Variants in PLEKHA8 observed in about 807,000 individuals in gnomAD.
The protein encoded by PLEKHA8 is pleckstrin homology domain-containing family A member 8.
A neutral mutation model predicts 68.2 loss-of-function variants in PLEKHA8; 36 were observed. That is an observed-to-expected ratio of 0.53 (90% confidence interval 0.40 to 0.70). PLEKHA8 has a LOEUF of 0.70. PLEKHA8 is among the 30% of genes least tolerant of loss of function. The probability of loss-of-function intolerance (pLI) is 0.00; values close to 1 mark genes in which losing one functional copy is unlikely to be tolerated. For missense variants in PLEKHA8, 505 were observed against 615.4 expected, an observed-to-expected ratio of 0.82 and a Z score of 1.90; for synonymous variants, 211 against 216.1, an observed-to-expected ratio of 0.98 and a Z score of 0.20.
chr7:30,120,289 A>C (rs1796677360), intron 13 of PLEKHA8, among the ~76,000 whole-genome samples: 1 of 152,234 alleles, frequency 6.6e-6, no homozygotes, highest in African/African-American at 2.4e-5. Context: ...AGCCTCTAGA[A>C]TCAGGGCTGC....
chr7:30,062,067 C>A lies in PLEKHA8; in HGVS notation c.1229+40C>A, dbSNP rs35889168. 1.4e-5 allele frequency: 22 copies of A among 1,565,230 alleles called. No individual in the cohort carries two copies. The Middle Eastern group carries it at 5.1e-4, about 37-fold the overall frequency. On this transcript the variant is annotated intron_variant, in intron 11 of 13. Coordinates refer to ENST00000449726, the MANE Select transcript of PLEKHA8 (RefSeq NM_001197026.2). ...GTGGGACAGCAGTTAAAATCTAGCT[C>A]AAAAAAAATTACCAGCAAAAAAAAT...
At chr7:30,092,386 C>T (rs1040000801), downstream of PLEKHA8, among the ~76,000 whole-genome samples, 3 of 152,034 alleles carry the variant, frequency 2.0e-5, no homozygotes, top group African/African-American at 7.2e-5. Context: ...CACTGCTGCC[C>T]CTAGTCTCCC....
chr7:30,096,116 A>G (rs1333204649), intron 13 of PLEKHA8, among the ~76,000 whole-genome samples: 1 of 152,174 alleles, frequency 6.6e-6, no homozygotes, highest in Non-Finnish European at 1.5e-5. Context: ...TACCTTGGGC[A>G]GTATGGCCAT....
intron 13 of PLEKHA8, among the ~76,000 whole-genome samples, chr7:30,121,721 GC>G (rs1796700641): frequency 6.6e-6 from 1 of 152,068 alleles, no homozygotes; most frequent in South Asian, 2.1e-4. Context: ...TTGTATCTCT[GC>G]CCAGAGGCAC....
intron 13 of PLEKHA8, among the ~76,000 whole-genome samples, chr7:30,116,271 T>C (rs1796554457): frequency 2.0e-5 from 3 of 151,212 alleles, no homozygotes; most frequent in South Asian, 2.1e-4. Flanking sequence ...TGCATACATG[T>C]ATGTATGTAT....
In PLEKHA8 at chr7:30,083,250, G is replaced by A. The variant is rs958335974; in HGVS notation, c.*4463G>A. 7 of 981,026 alleles carry A rather than the reference G, an allele frequency of 7.1e-6. No individual in the cohort carries two copies. The highest frequency in any genetic ancestry group is 4.7e-5 in the South Asian group (1 of 21,172). The allele number at this position is 981,026 out of a possible 1,614,324, so 60.8% of individuals were successfully genotyped here. The stretch of plus-strand genomic sequence containing the variant: ...TATGGATTGTATATAGAATGCTTTC[G>A]TTAGAAGTACATTCTACTTCTGTAT... On this transcript the variant is annotated 3_prime_UTR_variant, in exon 14 of 14. Coordinates refer to ENST00000449726, the MANE Select transcript of PLEKHA8 (RefSeq NM_001197026.2).
At chr7:30,034,783 AT>A (rs1790941807) in intron 1 of PLEKHA8, among the ~76,000 whole-genome samples, 1 of 151,672 alleles carries the variant, frequency 6.6e-6, no homozygotes. Flanking sequence ...GATCAACTGT[AT>A]TTTCTTTTCT....
chr7:30,124,843 C>G (rs1796747433), intron 13 of PLEKHA8, among the ~76,000 whole-genome samples: 1 of 151,470 alleles, frequency 6.6e-6, no homozygotes, highest in Non-Finnish European at 1.5e-5. Context: ...TCTAAGGCAC[C>G]CATGATCCTA....
intron 12 of PLEKHA8, among the ~76,000 whole-genome samples, chr7:30,066,559 A>T (rs565687399): frequency 1.3e-5 from 2 of 152,232 alleles, no homozygotes; most frequent in South Asian, 4.2e-4. Flanking sequence ...TTCAGGAGGG[A>T]GTTGGGTTCA....
chr7:30,118,080 C>T, intron 13 of PLEKHA8: 1 of 1,423,002 alleles, frequency 7.0e-7, no homozygotes, highest in South Asian at 1.4e-5. Flanking sequence ...TGCATCACAT[C>T]TGGGTGACGC....
intron 1 of PLEKHA8, among the ~76,000 whole-genome samples, chr7:30,044,032 A>AT (rs199681554): frequency 0.055 from 7,441 of 135,036 alleles, 380 homozygotes; most frequent in African/African-American, 0.13. Context: ...GTCAGGGATG[A>AT]TTTTTTTTTT....
chr7:30,124,937 G>GA (rs911598503), intron 13 of PLEKHA8, among the ~76,000 whole-genome samples: 10 of 149,886 alleles, frequency 6.7e-5, no homozygotes, highest in African/African-American at 2.4e-4. Flanking sequence ...TTAAATTTAG[G>GA]AAAAAATAAA....
At position 30,118,022 on chromosome 7, in the gene PLEKHA8, C is replaced by A. The variant is rs189970058; in HGVS notation, c.1363-11244C>A. 3.3e-5 allele frequency: 50 copies of A among 1,524,882 alleles called. No homozygotes were observed. The South Asian group carries it at 4.6e-4, about 14-fold the overall frequency. 94.5% of individuals were successfully genotyped at this position (1,524,882 alleles called of 1,614,324 possible). ...AGGAGGGCTGTCACTCAGAATCAGG[C>A]GGGTGCAGAGTGGCCTGCAGGACAT... On this transcript the variant is annotated intron_variant, in intron 13 of 13. Transcript: ENST00000396257.
At chr7:30,115,729 C>CAT (rs1796444410) in intron 13 of PLEKHA8, 3 of 117,446 alleles carry the variant, frequency 2.6e-5, no homozygotes, top group African/African-American at 9.4e-5. Context: ...TGCATGCATA[C>CAT]ACGTATACAT....
intron 13 of PLEKHA8, among the ~76,000 whole-genome samples, chr7:30,112,476 A>T (rs1295393296): frequency 2.0e-5 from 3 of 152,126 alleles, no homozygotes; most frequent in Non-Finnish European, 4.4e-5. Flanking sequence ...AAAGAGTGTG[A>T]CTACAATACA....
intron 13 of PLEKHA8, among the ~76,000 whole-genome samples, chr7:30,102,955 A>G (rs993288773): frequency 1.3e-5 from 2 of 152,226 alleles, no homozygotes; most frequent in East Asian, 3.8e-4. Flanking sequence ...CTGTAGTCCC[A>G]GCTATTCAGG....
intron 13 of PLEKHA8, among the ~76,000 whole-genome samples, chr7:30,114,931 C>T (rs1010790280): frequency 6.6e-6 from 1 of 152,126 alleles, no homozygotes; most frequent in Non-Finnish European, 1.5e-5. Flanking sequence ...TTTTCCCCAT[C>T]CAGACAGAGG....
intron 13 of PLEKHA8, among the ~76,000 whole-genome samples, chr7:30,118,582 C>CT (rs745309743): frequency 0.012 from 1,680 of 144,556 alleles, 22 homozygotes; most frequent in African/African-American, 0.033. Context: ...GCCCATCTTT[C>CT]TTTTTTTTTT....
downstream of PLEKHA8, among the ~76,000 whole-genome samples, chr7:30,086,316 T>C (rs553724917): frequency 1.3e-5 from 2 of 152,294 alleles, no homozygotes; most frequent in Non-Finnish European, 2.9e-5. Flanking sequence ...CTGATAAATC[T>C]AAAACATCAA....
Sources: allele counts gnomAD v4.1 joint callset (sites outside exome capture counted in the v4.1 genomes callset), GRCh38; gene constraint gnomAD v4.1.1; transcripts MANE v1.5; gene names NCBI Gene and HGNC (gene_info 2026-07-23, HGNC 2026-07-21).